Variants in PSIP1 observed in about 807,000 individuals in gnomAD.
PSIP1 encodes PC4 and SRSF1 interacting protein 1, also known as PC4 and SFRS1-interacting protein.
In PSIP1, 19 loss-of-function variants were observed where a neutral mutation model predicts 74.7. That is an observed-to-expected ratio of 0.25 (90% CI 0.18 to 0.37). The LOEUF is 0.37. PSIP1 is among the 10% of genes least tolerant of loss of function. The probability of loss-of-function intolerance (pLI) is 1.00; values close to 1 mark genes in which losing one functional copy is unlikely to be tolerated. For synonymous variants in PSIP1, 222 were observed against 195.3 expected (o/e 1.14, Z -1.14); for missense variants, 601 against 614.3 (o/e 0.98, Z 0.23).
chr9:15,465,330 G>T lies in PSIP1; in HGVS notation c.*190C>A. ...TATCCCACATTTACTGTATAATGTA[G>T]CTGTTAATACTGCACAAGTACACTT... On this transcript the variant is annotated 3_prime_UTR_variant, in exon 16 of 16. Coordinates refer to ENST00000380733, the MANE Select transcript of PSIP1 (RefSeq NM_033222.5). 1.9e-6 allele frequency: 1 copy of T among 525,690 alleles called. No homozygotes were observed. Among genetic ancestry groups the T allele is most frequent in the Non-Finnish European group, 3.3e-6 (1 of 303,362 alleles). 32.6% of individuals were successfully genotyped at this position (525,690 alleles called of 1,614,324 possible).
At chr9:15,488,804 A>C (rs562722501) in intron 4 of PSIP1, among the ~76,000 whole-genome samples, 2 of 151,380 alleles carry the variant, frequency 1.3e-5, no homozygotes, top group South Asian at 2.1e-4. Flanking sequence ...GGCGGATCAC[A>C]AGGTCAGGAG....
rs779289059 is a variant in PSIP1 at position 15,468,736 on chromosome 9, T to G, written c.1314A>C (p.Gln438His). 6.2e-7 allele frequency: 1 copy of G among 1,614,108 alleles called. No homozygotes were observed. The highest frequency in any genetic ancestry group is 8.5e-7 in the Non-Finnish European group (1 of 1,179,976). Residue 438 changes from glutamine to histidine, a missense_variant, in exon 14 of 16, where the codon CAA becomes CAC. Physicochemically the swap from Gln to His is conservative, Grantham distance 24 (BLOSUM62 0). Coordinates refer to ENST00000380733, the MANE Select transcript of PSIP1 (RefSeq NM_033222.5). Reference sequence around the variant, plus strand: ...GTTCAGCAAGAGATTTATTCAGCACTTGGGTGATCACGGAATCTCCTTCAC... The same window carrying G: ...GTTCAGCAAGAGATTTATTCAGCACGTGGGTGATCACGGAATCTCCTTCAC... ...LVGEGDSVIT[Q>H]VLNKSLAEQR...
intron 3 of PSIP1, among the ~76,000 whole-genome samples, chr9:15,502,470 C>A (rs2037393091): frequency 6.6e-6 from 1 of 152,178 alleles, no homozygotes; most frequent in South Asian, 2.1e-4. Context: ...AAGACAGGGT[C>A]TTACTATGTT....
chr9:15,474,918 A>G (rs1274969819), intron 8 of PSIP1, among the ~76,000 whole-genome samples: 1 of 152,224 alleles, frequency 6.6e-6, no homozygotes, highest in Non-Finnish European at 1.5e-5. Flanking sequence ...TTAACTGTCC[A>G]AAGAATTTCA....
chr9:15,472,179 T>C, intron 10 of PSIP1: 1 of 986,640 alleles, frequency 1.0e-6, no homozygotes, highest in Non-Finnish European at 1.2e-6. Flanking sequence ...AGATTTACTT[T>C]TACTGGCTTC....
At chr9:15,506,775 C>T (rs1356238322) in intron 2 of PSIP1, 138 bp from the exon 3 acceptor site, 1 of 603,382 alleles carries the variant, frequency 1.7e-6, no homozygotes, top group East Asian at 3.0e-5. Context: ...TCTCCTATCC[C>T]CAAATCTGAA....
At chr9:15,469,860 C>G in intron 11 of PSIP1, 78 bp downstream of exon 11, 5 of 1,250,098 alleles carry the variant, frequency 4.0e-6, no homozygotes, top group Non-Finnish European at 5.7e-6. Flanking sequence ...ATTCCAAAAC[C>G]AATACATGAA....
intron 6 of PSIP1, among the ~76,000 whole-genome samples, chr9:15,484,894 C>G (rs552070732): frequency 8.1e-6 from 1 of 123,988 alleles, no homozygotes; most frequent in East Asian, 2.3e-4. Flanking sequence ...ACCTGGATGA[C>G]AGAGCGAGAT....
chr9:15,494,257 A>T (rs2036969256), intron 3 of PSIP1, among the ~76,000 whole-genome samples: 1 of 152,350 alleles, frequency 6.6e-6, no homozygotes, highest in Non-Finnish European at 1.5e-5. Flanking sequence ...AATTTCAATT[A>T]AAAGACTTAA....
chr9:15,480,036 T>C (rs1414347296), intron 6 of PSIP1, among the ~76,000 whole-genome samples: 8 of 152,250 alleles, frequency 5.3e-5, no homozygotes, highest in Admixed American at 5.2e-4. Context: ...ATTTTATTTC[T>C]AAACTGAGAC....
chr9:15,505,031 C>A (rs2037521992), intron 3 of PSIP1: 1 of 151,236 alleles, frequency 6.6e-6, no homozygotes. Context: ...CTTTGCCTCC[C>A]CGGCTCAGGT....
At chr9:15,488,500 C>T (rs766068052) in intron 4 of PSIP1, among the ~76,000 whole-genome samples, 45 of 152,222 alleles carry the variant, frequency 3.0e-4, no homozygotes, top group African/African-American at 7.0e-4. Context: ...AAAGACCTCT[C>T]ATAGCCCTCT....
In PSIP1 at chr9:15,489,971, T is replaced by C; in HGVS notation, c.288+15A>G. On this transcript the variant is annotated intron_variant, in intron 4 of 15. Coordinates refer to ENST00000380733, the MANE Select transcript of PSIP1 (RefSeq NM_033222.5). ...ATTAAATAAGTAATATCAAATTTTA[T>C]GTAATATGACTTACCTGTTGACTTG... is the stretch of plus-strand genomic sequence containing the variant. The C allele has an allele frequency of 6.6e-7, 1 of 1,522,136 alleles. No individual in the cohort carries two copies. The highest frequency in any genetic ancestry group is 8.9e-7 in the Non-Finnish European group (1 of 1,129,586). 94.3% of individuals were successfully genotyped at this position (1,522,136 alleles called of 1,614,324 possible).
rs139485571 is a variant in PSIP1, at chr9:15,473,914, AC to A, written c.858+94del. 1.2e-3 allele frequency: 1,028 copies of A among 887,904 alleles called. 8 individuals are homozygous for A. In the African/African-American group the frequency reaches 0.019, roughly 17 times the overall value. The allele number at this position is 887,904 out of a possible 1,614,324, so 55.0% of individuals were successfully genotyped here. A position where few individuals can be genotyped will look rare whatever the true frequency, so the allele number is the denominator to read the frequency against. ...AGACTCCATCTCAAACAAAAAAAAA[AC>A]AAAAAAAAAAACAAAAAAAAAACAA... is the stretch of plus-strand genomic sequence containing the variant. On this transcript the variant is annotated intron_variant, in intron 9 of 15. Transcript: ENST00000380733.
intron 3 of PSIP1, among the ~76,000 whole-genome samples, chr9:15,493,922 T>C (rs1365662003): frequency 6.6e-6 from 1 of 152,152 alleles, no homozygotes; most frequent in Non-Finnish European, 1.5e-5. Context: ...GGACCATCTG[T>C]ACATATATAT....
At position 15,465,051 on chromosome 9, in the gene PSIP1, T is replaced by C. The variant is rs1587443201; in HGVS notation, c.*469A>G. ...AGTGAGTACTTGTATAGAAGTAACA[T>C]TTTATCTACCATAAAAATGTGTAAC... is the stretch of plus-strand genomic sequence containing the variant. On this transcript the variant is annotated 3_prime_UTR_variant, in exon 16 of 16. Coordinates refer to ENST00000380733, the MANE Select transcript of PSIP1 (RefSeq NM_033222.5). The C allele has an allele frequency of 4.5e-6, 1 of 224,510 alleles. No homozygotes were observed. Among genetic ancestry groups the C allele is most frequent in the East Asian group, 6.6e-5 (1 of 15,098 alleles). The allele number at this position is 224,510 out of a possible 1,614,324, so 13.9% of individuals were successfully genotyped here. A position where few individuals can be genotyped will look rare whatever the true frequency, so the allele number is the denominator to read the frequency against.
intron 2 of PSIP1, among the ~76,000 whole-genome samples, chr9:15,507,703 CA>C (rs1270521218): frequency 3.9e-5 from 6 of 152,064 alleles, no homozygotes; most frequent in Non-Finnish European, 7.4e-5. Context: ...TTCATAATTT[CA>C]AAAACACTTC....
chr9:15,489,576 C>G (rs981048118), intron 4 of PSIP1: 1 of 144,964 alleles, frequency 6.9e-6, no homozygotes, highest in Admixed American at 6.9e-5. Context: ...CCATTGCACT[C>G]CAGCCTGGGC....
At chr9:15,510,521 G>A (rs1206807637) in intron 1 of PSIP1, among the ~76,000 whole-genome samples, 192 bp from the exon 2 acceptor site, 1 of 152,098 alleles carries the variant, frequency 6.6e-6, no homozygotes, top group African/African-American at 2.4e-5. Context: ...GCCACCACCT[G>A]AAGCAGGGAT....
Sources: allele counts gnomAD v4.1 joint callset (sites outside exome capture counted in the v4.1 genomes callset), GRCh38; gene constraint gnomAD v4.1.1; transcripts MANE v1.5; gene names NCBI Gene and HGNC (gene_info 2026-07-23, HGNC 2026-07-21).